The following SH3BGRL2 variants were observed in gnomAD, a reference collection of about 807,000 sequenced individuals.
The protein encoded by SH3BGRL2 is SH3 domain binding glutamate rich protein like 2.
SH3BGRL2 carries 21 observed loss-of-function variants against 14.8 expected under a neutral mutation model. The observed-to-expected ratio is 1.42, with a 90% CI of 1.01 to 2.05. The LOEUF is 2.05. Among genes scored for constraint, SH3BGRL2 ranks in the 30% most tolerant of loss-of-function variants. SH3BGRL2 has a pLI of 0.00. For missense variants in SH3BGRL2, 147 were observed against 130.8 expected, an observed-to-expected ratio of 1.12 and a Z score of -0.61; for synonymous variants, 50 against 47.8, an observed-to-expected ratio of 1.05 and a Z score of -0.19.
the SH3BGRL2 span, among the ~76,000 whole-genome samples, chr6:79,597,288 AAG>A: frequency 6.6e-6 from 1 of 150,384 alleles, no homozygotes; most frequent in South Asian, 2.1e-4. Flanking sequence ...GAGAGAAAGA[AAG>A]AGAGAAAGAG....
chr6:79,606,127 T>G, the SH3BGRL2 span, among the ~76,000 whole-genome samples: 2 of 151,842 alleles, frequency 1.3e-5, no homozygotes, highest in African/African-American at 2.4e-5. Flanking sequence ...CCAGATGGAG[T>G]GGCTGACTAA....
At chr6:79,571,911 T>TAA in the SH3BGRL2 span, among the ~76,000 whole-genome samples, 1 of 152,158 alleles carries the variant, frequency 6.6e-6, no homozygotes, top group African/African-American at 2.4e-5. Context: ...TTTTAAAAAA[T>TAA]AAACTCTTTT....
chr6:79,681,907 G>A (rs966134436), intron 2 of SH3BGRL2, among the ~76,000 whole-genome samples: 2 of 151,626 alleles, frequency 1.3e-5, no homozygotes, highest in African/African-American at 4.8e-5. Flanking sequence ...AGCAGAGATC[G>A]CCCCGCTGCA....
intron 1 of SH3BGRL2, among the ~76,000 whole-genome samples, chr6:79,649,124 T>C (rs541581187): frequency 6.6e-6 from 1 of 152,298 alleles, no homozygotes; most frequent in South Asian, 2.1e-4. Context: ...GAAGTCATAA[T>C]GGGAAGCTCT....
the SH3BGRL2 span, chr6:79,561,679 A>G: frequency 6.6e-6 from 1 of 152,050 alleles, no homozygotes; most frequent in Non-Finnish European, 1.5e-5. Flanking sequence ...CTGCCTCTCC[A>G]CTCGCATACG....
At chr6:79,611,636 T>C in the SH3BGRL2 span, among the ~76,000 whole-genome samples, 2 of 152,160 alleles carry the variant, frequency 1.3e-5, no homozygotes, top group Non-Finnish European at 2.9e-5. Flanking sequence ...GGTCTTGCAC[T>C]CCTGACCTCA....
intron 1 of SH3BGRL2, among the ~76,000 whole-genome samples, chr6:79,658,791 C>A (rs1265541361): frequency 1.3e-5 from 2 of 152,200 alleles, no homozygotes; most frequent in Non-Finnish European, 2.9e-5. Flanking sequence ...TCTCCATATC[C>A]TCTCCAGCAT....
the SH3BGRL2 span, among the ~76,000 whole-genome samples, chr6:79,578,051 G>A: frequency 1.5e-3 from 222 of 152,348 alleles, 4 homozygotes; most frequent in African/African-American, 5.1e-3. Context: ...TCTGCAAGGC[G>A]GCAGCCTGGC....
At chr6:79,590,752 A>T in the SH3BGRL2 span, among the ~76,000 whole-genome samples, 2 of 152,146 alleles carry the variant, frequency 1.3e-5, no homozygotes, top group African/African-American at 4.8e-5. Flanking sequence ...TAATGGGATC[A>T]TCCATAGCCC....
the SH3BGRL2 span, among the ~76,000 whole-genome samples, chr6:79,572,674 C>T: frequency 1.3e-5 from 2 of 152,020 alleles, no homozygotes; most frequent in East Asian, 3.9e-4. Flanking sequence ...ACTGTGTTAG[C>T]CAGGATGGTC....
At chr6:79,656,256 G>T (rs981894510) in intron 1 of SH3BGRL2, among the ~76,000 whole-genome samples, 1 of 152,242 alleles carries the variant, frequency 6.6e-6, no homozygotes, top group Non-Finnish European at 1.5e-5. Flanking sequence ...AAGCAGAGAG[G>T]TCATGACTTG....
intron 1 of SH3BGRL2, among the ~76,000 whole-genome samples, chr6:79,637,826 A>G (rs147234358): frequency 6.6e-6 from 1 of 152,352 alleles, no homozygotes; most frequent in East Asian, 1.9e-4. Context: ...CCAGTTATTC[A>G]AAGAAAAACA....
chr6:79,624,147 C>T, the SH3BGRL2 span, among the ~76,000 whole-genome samples: 1 of 151,918 alleles, frequency 6.6e-6, no homozygotes, highest in Non-Finnish European at 1.5e-5. Context: ...ATCCCTGTAA[C>T]TTGTGTTGCC....
chr6:79,659,570 G>T (rs553738140), intron 1 of SH3BGRL2, among the ~76,000 whole-genome samples: 1 of 152,148 alleles, frequency 6.6e-6, no homozygotes, highest in South Asian at 2.1e-4. Flanking sequence ...GTCAGGTAGC[G>T]TGATGCCTCC....
intron 2 of SH3BGRL2, among the ~76,000 whole-genome samples, chr6:79,693,710 G>A (rs55909056): frequency 0.093 from 14,201 of 152,128 alleles, 867 homozygotes; most frequent in Non-Finnish European, 0.14. Context: ...GATGAAGCCC[G>A]CTTGATCATA....
intron 2 of SH3BGRL2, among the ~76,000 whole-genome samples, chr6:79,696,113 A>C (rs1359045728): frequency 6.6e-6 from 1 of 152,186 alleles, no homozygotes; most frequent in African/African-American, 2.4e-5. Context: ...CAAAATATCA[A>C]GAGTGGAATT....
chr6:79,553,783 C>T, the SH3BGRL2 span, among the ~76,000 whole-genome samples: 1 of 152,018 alleles, frequency 6.6e-6, no homozygotes, highest in Non-Finnish European at 1.5e-5. Context: ...ACCAGCCTGG[C>T]CAACATGGTG....
At chr6:79,656,489 C>T in intron 1 of SH3BGRL2, among the ~76,000 whole-genome samples, 1 of 152,180 alleles carries the variant, frequency 6.6e-6, no homozygotes, top group African/African-American at 2.4e-5. Flanking sequence ...GTGGAAAATA[C>T]TCCTGGGACG....
At chr6:79,699,201 C>T (rs1009748016) in intron 3 of SH3BGRL2, among the ~76,000 whole-genome samples, 1 of 152,100 alleles carries the variant, frequency 6.6e-6, no homozygotes, top group African/African-American at 2.4e-5. Flanking sequence ...AAGGTAACCC[C>T]CCACCCAGCC....
Sources: allele counts gnomAD v4.1 joint callset (sites outside exome capture counted in the v4.1 genomes callset), GRCh38; gene constraint gnomAD v4.1.1; transcripts MANE v1.5; gene names NCBI Gene and HGNC (gene_info 2026-07-23, HGNC 2026-07-21).